Variants in PAAF1 observed in about 807,000 individuals in gnomAD.
PAAF1 encodes the protein proteasomal ATPase associated factor 1.
PAAF1 carries 46 observed loss-of-function variants against 52.8 expected under a neutral mutation model. That is an observed-to-expected ratio of 0.87 (90% confidence interval 0.69 to 1.11). The LOEUF is 1.11. PAAF1 is among the 50% of genes most tolerant of loss of function. The pLI is 0.00. For missense variants in PAAF1, 424 were observed against 477.4 expected (o/e 0.89, Z 1.04); for synonymous variants, 178 against 172.8 (o/e 1.03, Z -0.24).
intron 7 of PAAF1, among the ~76,000 whole-genome samples, chr11:73,912,011 T>C (rs768013157): frequency 6.6e-6 from 1 of 152,128 alleles, no homozygotes; most frequent in African/African-American, 2.4e-5. Flanking sequence ...TTTCACATAG[T>C]AAACCCTCTC....
chr11:73,895,487 TGAA>T (rs1459926259), intron 4 of PAAF1, among the ~76,000 whole-genome samples: 1 of 152,214 alleles, frequency 6.6e-6, no homozygotes, highest in Non-Finnish European at 1.5e-5. Context: ...GGAAGCAAAA[TGAA>T]GAAGAAAAGT....
intron 8 of PAAF1, among the ~76,000 whole-genome samples, chr11:73,915,474 C>A (rs758207242): frequency 7.2e-5 from 11 of 152,088 alleles, no homozygotes; most frequent in Non-Finnish European, 1.5e-4. Flanking sequence ...TGGTGGCATG[C>A]ACCTGTAATC....
intron 7 of PAAF1, among the ~76,000 whole-genome samples, chr11:73,910,445 T>C (rs932239368): frequency 6.6e-6 from 1 of 152,260 alleles, no homozygotes; most frequent in South Asian, 2.1e-4. Context: ...CTAAGTGTTA[T>C]ATAAAAAGAT....
At chr11:73,898,097 C>T (rs1389911056) in intron 4 of PAAF1, among the ~76,000 whole-genome samples, 2 of 151,732 alleles carry the variant, frequency 1.3e-5, no homozygotes, top group African/African-American at 2.4e-5. Context: ...GCAGGAGAAT[C>T]AGGCAGGGAG....
chr11:73,896,454 AGT>A (rs1949368773), intron 4 of PAAF1, among the ~76,000 whole-genome samples: 1 of 151,248 alleles, frequency 6.6e-6, no homozygotes, highest in African/African-American at 2.4e-5. Flanking sequence ...GGCCTTCCGC[AGT>A]GTTTGTGTCC....
In PAAF1 at chr11:73,877,017, T is replaced by G. The variant is rs1357617182; in HGVS notation, c.-5T>G. Reference sequence around the variant, plus strand: ...AAGAGGTGGGCTGGTGGAGGCGGGGTCGAGATGGCGGCGCCTTTGAGGATT... The same window carrying G: ...AAGAGGTGGGCTGGTGGAGGCGGGGGCGAGATGGCGGCGCCTTTGAGGATT... On this transcript the variant is annotated 5_prime_UTR_variant, in exon 1 of 12. Coordinates refer to ENST00000310571, the MANE Select transcript of PAAF1 (RefSeq NM_025155.3). 1 of 1,530,014 alleles carries G rather than the reference T, an allele frequency of 6.5e-7. No individual in the cohort carries two copies. The highest frequency in any genetic ancestry group is 8.8e-7 in the Non-Finnish European group (1 of 1,135,772). 94.8% of individuals were successfully genotyped at this position (1,530,014 alleles called of 1,614,324 possible).
At chr11:73,879,329 T>G (rs1948828886) in intron 2 of PAAF1, 1 of 152,242 alleles carries the variant, frequency 6.6e-6, no homozygotes, top group Non-Finnish European at 1.5e-5. Context: ...TTACCATCAT[T>G]TTTCTAGGCA....
chr11:73,924,195 T>C (rs1392055823), intron 10 of PAAF1, among the ~76,000 whole-genome samples: 1 of 152,010 alleles, frequency 6.6e-6, no homozygotes, highest in African/African-American at 2.4e-5. Flanking sequence ...TGGCTCACGC[T>C]TGTAATCCCA....
rs1950398501 is a variant in PAAF1 at position 73,927,599 on chromosome 11, C to T, written c.*237C>T. 1 of 575,446 alleles carries T rather than the reference C, an allele frequency of 1.7e-6. No individual in the cohort carries two copies. 35.6% of individuals were successfully genotyped at this position (575,446 alleles called of 1,614,324 possible). A position where few individuals can be genotyped will look rare whatever the true frequency, so the allele number is the denominator to read the frequency against. ...GTTCCAACTTCTCCTTGTATAAACTCACCCCAGCAACACAGGGCAAGGATA... is the reference window on the plus strand; with the variant it reads ...GTTCCAACTTCTCCTTGTATAAACTTACCCCAGCAACACAGGGCAAGGATA... On this transcript the variant is annotated 3_prime_UTR_variant, in exon 12 of 12. Coordinates refer to ENST00000310571, the MANE Select transcript of PAAF1 (RefSeq NM_025155.3).
At position 73,902,973 on chromosome 11, in the gene PAAF1, C is replaced by T. The variant is rs1179199214; in HGVS notation, c.532+2553C>T. ...GTGGCCTCCCAAAGTGCCGGGATTACAGGCGTGAGCCACTGCGCCCGGCCT... is the reference window on the plus strand; with the variant it reads ...GTGGCCTCCCAAAGTGCCGGGATTATAGGCGTGAGCCACTGCGCCCGGCCT... On this transcript the variant is annotated intron_variant, in intron 6 of 11. Transcript: ENST00000310571. Among the ~76,000 whole-genome samples the T allele has an allele frequency of 5.3e-5, 8 of 152,346 alleles. No individual in the cohort carries two copies. In the East Asian group the frequency reaches 1.5e-3, roughly 29 times the overall value.
At chr11:73,895,188 A>C (rs549399597) in intron 4 of PAAF1, among the ~76,000 whole-genome samples, 2 of 152,336 alleles carry the variant, frequency 1.3e-5, no homozygotes, top group South Asian at 4.2e-4. Flanking sequence ...CTTGGATGTT[A>C]AGTATGAGAG....
intron 7 of PAAF1, among the ~76,000 whole-genome samples, chr11:73,910,607 T>C (rs1949901918): frequency 6.6e-6 from 1 of 152,178 alleles, no homozygotes; most frequent in African/African-American, 2.4e-5. Context: ...CATAGGACAA[T>C]GTTTTTTCTA....
At chr11:73,909,353 TC>T in intron 6 of PAAF1, 45 bp from the exon 7 acceptor site, 1 of 1,576,292 alleles carries the variant, frequency 6.3e-7, no homozygotes, top group Admixed American at 1.7e-5. Context: ...CCCTTGTAGT[TC>T]CTTTACTCCA....
At chr11:73,910,037 A>G (rs979675119) in intron 7 of PAAF1, among the ~76,000 whole-genome samples, 22 of 152,222 alleles carry the variant, frequency 1.4e-4, no homozygotes, top group Non-Finnish European at 3.2e-4. Context: ...AGCTTGCTTT[A>G]AAACATTTAG....
chr11:73,878,631 T>C lies in PAAF1; in HGVS notation c.48-148T>C. The C allele has an allele frequency of 1.1e-5, 6 of 548,614 alleles. No homozygotes were observed. In the South Asian group the frequency reaches 1.7e-4, roughly 16 times the overall value. 34.0% of individuals were successfully genotyped at this position (548,614 alleles called of 1,614,324 possible). ...CAAATAAAGTTTGTCTGTCTTAGAA[T>C]GATCTATACTCGATGAGAGGTTGGA... On this transcript the variant is annotated intron_variant, in intron 1 of 11. Coordinates refer to ENST00000310571, the MANE Select transcript of PAAF1 (RefSeq NM_025155.3).
chr11:73,889,634 A>G (rs1312000009), intron 3 of PAAF1, among the ~76,000 whole-genome samples: 1 of 152,248 alleles, frequency 6.6e-6, no homozygotes, highest in Non-Finnish European at 1.5e-5. Flanking sequence ...GCTCCAAAGA[A>G]ATGAAGTCTT....
At position 73,914,309 on chromosome 11, in the gene PAAF1, T is replaced by G. The variant is rs112617326; in HGVS notation, c.728-104T>G. 29 of 894,112 alleles carry G rather than the reference T, an allele frequency of 3.2e-5. No individual in the cohort carries two copies. In the African/African-American group the frequency reaches 4.5e-4, roughly 14 times the overall value. The allele number at this position is 894,112 out of a possible 1,614,324, so 55.4% of individuals were successfully genotyped here. A position where few individuals can be genotyped will look rare whatever the true frequency, so the allele number is the denominator to read the frequency against. On this transcript the variant is annotated intron_variant, in intron 7 of 11. Transcript: ENST00000310571. ...TAATAAATGTTTTCTTTGTAATAAGTGAATCGCTAACAAAATCAGTAATCA... is the reference window on the plus strand; with the variant it reads ...TAATAAATGTTTTCTTTGTAATAAGGGAATCGCTAACAAAATCAGTAATCA...
At chr11:73,896,203 T>A (rs973878451) in intron 4 of PAAF1, among the ~76,000 whole-genome samples, 2 of 151,444 alleles carry the variant, frequency 1.3e-5, no homozygotes, top group Non-Finnish European at 2.9e-5. Context: ...TATATCTGTA[T>A]ATTTTCTATA....
chr11:73,899,048 G>A, intron 4 of PAAF1, 98 bp from the exon 5 acceptor site: 1 of 923,840 alleles, frequency 1.1e-6, no homozygotes, highest in Admixed American at 2.3e-5. Context: ...GCTTCAGGAA[G>A]TCTTGGAAGA....
Sources: allele counts gnomAD v4.1 joint callset (sites outside exome capture counted in the v4.1 genomes callset), GRCh38; gene constraint gnomAD v4.1.1; transcripts MANE v1.5; gene names NCBI Gene and HGNC (gene_info 2026-07-23, HGNC 2026-07-21).